Variants in ZBTB20 observed in about 807,000 individuals in gnomAD.
ZBTB20 encodes the protein zinc finger and BTB domain containing 20.
Under a neutral mutation model 56.9 loss-of-function variants are expected in ZBTB20, and 9 were observed. The ratio of observed to expected loss-of-function variants is 0.16; its 90% CI spans 0.10 to 0.28. The LOEUF is 0.28. ZBTB20 is among the 10% of genes least tolerant of loss of function. The pLI is 1.00. For synonymous variants in ZBTB20, 417 were observed against 420.7 expected (o/e 0.99, Z 0.11); for missense variants, 655 against 1,003.0 (o/e 0.65, Z 4.69).
chr3:114,916,477 C>A (rs1391512687), intron 3 of ZBTB20, among the ~76,000 whole-genome samples: 1 of 151,948 alleles, frequency 6.6e-6, no homozygotes, highest in Non-Finnish European at 1.5e-5. Flanking sequence ...AATATTTTTA[C>A]TGTTACTGCA....
chr3:114,791,813 C>A (rs1175313659), intron 5 of ZBTB20: 1 of 115,318 alleles, frequency 8.7e-6, no homozygotes, highest in East Asian at 3.5e-4. Context: ...TTTCCTACAT[C>A]TTTGAAGACA....
At chr3:114,944,788 C>T (rs554988018) in intron 3 of ZBTB20, among the ~76,000 whole-genome samples, 1 of 145,306 alleles carries the variant, frequency 6.9e-6, no homozygotes, top group South Asian at 2.1e-4. Flanking sequence ...GCCATAGATA[C>T]AGGGAGTAAA....
chr3:114,439,839 C>G (rs190521264), intron 7 of ZBTB20, among the ~76,000 whole-genome samples: 1 of 152,260 alleles, frequency 6.6e-6, no homozygotes, highest in African/African-American at 2.4e-5. Flanking sequence ...TACTTTGACA[C>G]TAGACCAATT....
At chr3:114,416,089 G>C (rs1036777608) in intron 7 of ZBTB20, among the ~76,000 whole-genome samples, 10 of 152,096 alleles carry the variant, frequency 6.6e-5, no homozygotes, top group Admixed American at 5.3e-4. Context: ...AAATGACTTA[G>C]CCAGTATTAC....
intron 5 of ZBTB20, among the ~76,000 whole-genome samples, chr3:114,748,353 TC>T (rs1293732278): frequency 3.0e-4 from 2 of 6,608 alleles, no homozygotes; most frequent in African/African-American, 6.8e-4. Context: ...TTCTTTCTTT[TC>T]TCTCTCTCTC....
chr3:115,034,133 A>G (rs1249509766), intron 2 of ZBTB20, among the ~76,000 whole-genome samples: 1 of 151,764 alleles, frequency 6.6e-6, no homozygotes, highest in Non-Finnish European at 1.5e-5. Context: ...ACTCACAGCT[A>G]AAATAATACT....
intron 6 of ZBTB20, among the ~76,000 whole-genome samples, chr3:114,593,695 G>A (rs2056031937): frequency 6.6e-6 from 1 of 151,944 alleles, no homozygotes; most frequent in African/African-American, 2.4e-5. Context: ...AGGAGATTTT[G>A]GAATAAAGGT....
At chr3:115,064,544 C>T (rs1192627404) in intron 2 of ZBTB20, among the ~76,000 whole-genome samples, 2 of 150,630 alleles carry the variant, frequency 1.3e-5, no homozygotes, top group Admixed American at 6.6e-5. Flanking sequence ...CTCCGCCTCC[C>T]GGGTTCAAGT....
intron 6 of ZBTB20, among the ~76,000 whole-genome samples, chr3:114,611,928 T>C (rs1266818852): frequency 1.3e-5 from 2 of 152,232 alleles, no homozygotes; most frequent in African/African-American, 4.8e-5. Flanking sequence ...ATAGCTATTG[T>C]TCTCATCACC....
At chr3:114,736,303 G>A (rs1361316359) in intron 5 of ZBTB20, among the ~76,000 whole-genome samples, 1 of 152,122 alleles carries the variant, frequency 6.6e-6, no homozygotes, top group Non-Finnish European at 1.5e-5. Flanking sequence ...AAAGCTCTCA[G>A]TAAATATTAA....
At chr3:114,612,755 C>T (rs953900999) in intron 6 of ZBTB20, among the ~76,000 whole-genome samples, 9 of 152,022 alleles carry the variant, frequency 5.9e-5, no homozygotes, top group Non-Finnish European at 1.2e-4. Flanking sequence ...TTTAGGGCCA[C>T]TGAGACCAAG....
intron 1 of ZBTB20, among the ~76,000 whole-genome samples, chr3:115,120,466 GA>G (rs1023316765): frequency 5.3e-5 from 8 of 151,852 alleles, no homozygotes; most frequent in African/African-American, 9.7e-5. Context: ...AAAATTAACA[GA>G]AAAAAATTTT....
At chr3:114,817,033 T>C (rs1464116819) in intron 4 of ZBTB20, among the ~76,000 whole-genome samples, 1 of 151,956 alleles carries the variant, frequency 6.6e-6, no homozygotes, top group Non-Finnish European at 1.5e-5. Flanking sequence ...AGTACAATAA[T>C]GATAGGAAAA....
intron 7 of ZBTB20, among the ~76,000 whole-genome samples, chr3:114,410,019 T>C (rs2087773104): frequency 6.6e-6 from 1 of 152,134 alleles, no homozygotes; most frequent in Non-Finnish European, 1.5e-5. Context: ...ATAGCCTTTA[T>C]CGAAGTCTGG....
chr3:115,050,869 C>T (rs2108435718), intron 2 of ZBTB20, among the ~76,000 whole-genome samples: 1 of 152,172 alleles, frequency 6.6e-6, no homozygotes, highest in Admixed American at 6.5e-5. Flanking sequence ...ATGAAAGGTA[C>T]TCTACAACTC....
At chr3:114,653,333 C>T (rs1030794363) in intron 6 of ZBTB20, among the ~76,000 whole-genome samples, 1 of 151,844 alleles carries the variant, frequency 6.6e-6, no homozygotes. Flanking sequence ...TGAGAGTTTT[C>T]ACTGTGAATG....
rs935355808 is a variant in ZBTB20, at chr3:114,322,813, A to G, written c.*16192T>C. On this transcript the variant is annotated 3_prime_UTR_variant, in exon 12 of 12. Coordinates refer to ENST00000675478, the MANE Select transcript of ZBTB20 (RefSeq NM_001348800.3). The stretch of plus-strand genomic sequence containing the variant: ...CAAGGCTGACAACTTTCTGAACAAT[A>G]TTTAAACTTGGAATAGTAGACTTGG... 5.3e-5 allele frequency: 8 copies of G among 152,232 alleles called. No individual in the cohort carries two copies. Among genetic ancestry groups the G allele is most frequent in the African/African-American group, 1.9e-4 (8 of 41,462 alleles). 9.4% of individuals were successfully genotyped at this position (152,232 alleles called of 1,614,324 possible). A position where few individuals can be genotyped will look rare whatever the true frequency, so the allele number is the denominator to read the frequency against.
chr3:115,085,647 C>A (rs1303106855), intron 1 of ZBTB20, among the ~76,000 whole-genome samples: 1 of 151,924 alleles, frequency 6.6e-6, no homozygotes, highest in Non-Finnish European at 1.5e-5. Flanking sequence ...ATTTCCAAGA[C>A]ATTAATAAGA....
chr3:114,347,611 T>G (rs2080303739), intron 11 of ZBTB20, among the ~76,000 whole-genome samples: 3 of 152,228 alleles, frequency 2.0e-5, no homozygotes, highest in Non-Finnish European at 4.4e-5. Context: ...GGTCTTGAAT[T>G]ATTTCCACAT....
Sources: gnomAD v4.1 joint callset for allele counts (sites outside exome capture counted in the v4.1 genomes callset) on GRCh38, gnomAD v4.1.1 for gene constraint, MANE v1.5 for transcripts, NCBI Gene and HGNC (gene_info 2026-07-23, HGNC 2026-07-21) for gene names.